Variants in NRXN1 observed in about 807,000 individuals in gnomAD.
NRXN1 encodes the protein neurexin-1.
A neutral mutation model predicts 150.9 loss-of-function variants in NRXN1; 39 were observed. The observed-to-expected ratio is 0.26, with a 90% CI of 0.20 to 0.34. The LOEUF is 0.34. Ranked by LOEUF, NRXN1 falls within the 10% of genes least tolerant of loss-of-function variation. NRXN1 has a pLI of 1.00. For missense variants in NRXN1, 1,815 were observed against 1,949.9 expected (o/e 0.93, Z 1.30); for synonymous variants, 924 against 757.0 (o/e 1.22, Z -3.62).
At chr2:50,588,942 C>A (rs1447468169) in intron 8 of NRXN1, 1 of 152,076 alleles carries the variant, frequency 6.6e-6, no homozygotes, top group Non-Finnish European at 1.5e-5. Context: ...CCTAGGAAAC[C>A]AATTGATTTC....
intron 5 of NRXN1, among the ~76,000 whole-genome samples, chr2:50,813,435 T>A (rs116675818): frequency 9.7e-4 from 147 of 152,284 alleles, no homozygotes; most frequent in African/African-American, 3.4e-3. Context: ...TAGTAATGTA[T>A]TACATTTGCA....
At chr2:49,925,057 C>G (rs1472303093) in intron 22 of NRXN1, among the ~76,000 whole-genome samples, 3 of 151,768 alleles carry the variant, frequency 2.0e-5, no homozygotes, top group African/African-American at 7.3e-5. Context: ...TTTGGGAGGC[C>G]GAGGCGAGTG....
chr2:50,332,038 A>C (rs557387693), intron 17 of NRXN1, among the ~76,000 whole-genome samples: 6 of 152,344 alleles, frequency 3.9e-5, no homozygotes, highest in African/African-American at 1.4e-4. Flanking sequence ...TTTAAGAATT[A>C]AAATTTAATT....
At chr2:50,767,525 T>G in intron 5 of NRXN1, among the ~76,000 whole-genome samples, 1 of 152,064 alleles carries the variant, frequency 6.6e-6, no homozygotes, top group Non-Finnish European at 1.5e-5. Context: ...ACTAATGTAG[T>G]GAATCCTAGA....
rs2078108830 is a variant in NRXN1 at position 50,347,471 on chromosome 2, C to A, written c.3365-110501G>T. On this transcript the variant is annotated intron_variant, in intron 17 of 22. Transcript: ENST00000401669. This position sits in a 1 kb window ranked among gnomAD's most constrained non-coding sequence, Gnocchi z 4.9. The stretch of plus-strand genomic sequence containing the variant: ...ACCTCCTTTCAAGACAGAAGCAGAC[C>A]CCATGGAATCCAGGCGCCCCTTCCC... The A allele has an allele frequency of 9.3e-7, 1 of 1,080,222 alleles. No individual in the cohort carries two copies. Among genetic ancestry groups the A allele is most frequent in the Non-Finnish European group, 1.1e-6 (1 of 885,224 alleles). 66.9% of individuals were successfully genotyped at this position (1,080,222 alleles called of 1,614,324 possible).
At chr2:50,158,331 A>C (rs1420416457) in intron 18 of NRXN1, among the ~76,000 whole-genome samples, 1 of 151,566 alleles carries the variant, frequency 6.6e-6, no homozygotes, top group African/African-American at 2.4e-5. Flanking sequence ...AACATAATTT[A>C]ACTAAGGTAA....
intron 5 of NRXN1, among the ~76,000 whole-genome samples, chr2:50,713,858 A>G (rs1435525143): frequency 6.6e-6 from 1 of 152,162 alleles, no homozygotes; most frequent in Non-Finnish European, 1.5e-5. Flanking sequence ...GTCTTCTTTG[A>G]AAGATTGCAA....
intron 5 of NRXN1, among the ~76,000 whole-genome samples, chr2:50,705,309 T>C (rs1694284342): frequency 6.6e-6 from 1 of 152,110 alleles, no homozygotes; most frequent in Non-Finnish European, 1.5e-5. Flanking sequence ...TTTAAACAAA[T>C]AAATGGGTAC....
intron 18 of NRXN1, among the ~76,000 whole-genome samples, chr2:50,095,174 G>A (rs1242072483): frequency 6.6e-6 from 1 of 152,190 alleles, no homozygotes; most frequent in Non-Finnish European, 1.5e-5. Flanking sequence ...TGCTATTACA[G>A]AGGAGTAAGC....
At chr2:50,628,618 C>T (rs190724274) in intron 5 of NRXN1, among the ~76,000 whole-genome samples, 1 of 151,800 alleles carries the variant, frequency 6.6e-6, no homozygotes, top group Admixed American at 6.6e-5. Flanking sequence ...TACTAAGCAG[C>T]AGAGTGTTTA....
intron 19 of NRXN1, among the ~76,000 whole-genome samples, chr2:50,086,692 C>A (rs1311445636): frequency 6.6e-6 from 1 of 152,086 alleles, no homozygotes; most frequent in Admixed American, 6.6e-5. Flanking sequence ...ATGTCTTTGA[C>A]TTCTTTGTTC....
intron 18 of NRXN1, among the ~76,000 whole-genome samples, chr2:50,176,422 C>T (rs1312444104): frequency 2.0e-5 from 3 of 152,024 alleles, no homozygotes; most frequent in Non-Finnish European, 4.4e-5. Flanking sequence ...GGAGCAGGGG[C>T]CTTTCCTGTG....
At chr2:50,736,962 G>A (rs1415993357) in intron 5 of NRXN1, among the ~76,000 whole-genome samples, 2 of 152,066 alleles carry the variant, frequency 1.3e-5, no homozygotes, top group Admixed American at 1.3e-4. Flanking sequence ...CTTGAATTAA[G>A]AATGATAAAA....
At chr2:50,357,390 C>A (rs1203895015) in intron 17 of NRXN1, among the ~76,000 whole-genome samples, 1 of 151,956 alleles carries the variant, frequency 6.6e-6, no homozygotes, top group Non-Finnish European at 1.5e-5. Context: ...CTCACCACAA[C>A]CTCTGCCTCC....
intron 5 of NRXN1, among the ~76,000 whole-genome samples, chr2:50,719,698 CAACAAT>C (rs1696377571): frequency 6.6e-6 from 1 of 151,994 alleles, no homozygotes; most frequent in Non-Finnish European, 1.5e-5. Flanking sequence ...ACAACAACAA[CAACAAT>C]AACAACAATC....
At chr2:50,193,898 C>T (rs567731811) in intron 18 of NRXN1, among the ~76,000 whole-genome samples, 7 of 152,080 alleles carry the variant, frequency 4.6e-5, no homozygotes, top group East Asian at 1.9e-4. Context: ...AGAAAACAAA[C>T]GTGAATCCTA....
intron 18 of NRXN1, among the ~76,000 whole-genome samples, chr2:50,126,279 T>C (rs1167811036): frequency 6.6e-6 from 1 of 152,124 alleles, no homozygotes; most frequent in Non-Finnish European, 1.5e-5. Flanking sequence ...ACCTTTCCTA[T>C]CTTTTTTTTC....
At chr2:50,407,655 A>C (rs572755964) in intron 17 of NRXN1, among the ~76,000 whole-genome samples, 3 of 152,056 alleles carry the variant, frequency 2.0e-5, no homozygotes, top group African/African-American at 7.2e-5. Context: ...AGCTGTATAA[A>C]AAGAGGAAGA....
At chr2:50,095,346 CACA>C (rs1444460494) in intron 18 of NRXN1, among the ~76,000 whole-genome samples, 1 of 152,144 alleles carries the variant, frequency 6.6e-6, no homozygotes, top group Non-Finnish European at 1.5e-5. Context: ...GTACTTTCAA[CACA>C]ACAAGTACAG....
Sources: gnomAD v4.1 joint callset for allele counts (sites outside exome capture counted in the v4.1 genomes callset) on GRCh38, gnomAD v4.1.1 for gene constraint, Gnocchi (gnomAD v3.1) non-coding constraint, MANE v1.5 for transcripts, NCBI Gene and HGNC (gene_info 2026-07-23, HGNC 2026-07-21) for gene names.